The following GSE1 variants were observed in gnomAD, a reference collection of about 807,000 sequenced individuals.
GSE1 encodes genetic suppressor element 1.
GSE1 carries 32 observed loss-of-function variants against 112.6 expected under a neutral mutation model. That is an observed-to-expected ratio of 0.28 (90% CI 0.21 to 0.38). The LOEUF (loss-of-function observed/expected upper bound fraction) is 0.38, where lower values mean the gene tolerates loss of function less well. Among genes scored for constraint, GSE1 ranks in the 10% least tolerant of loss-of-function variants. GSE1 has a pLI of 1.00. For missense variants in GSE1, 2,348 were observed against 1,699.2 expected, an observed-to-expected ratio of 1.38 and a Z score of -6.71; for synonymous variants, 1,115 against 735.6, an observed-to-expected ratio of 1.52 and a Z score of -8.35.
intron 1 of GSE1, among the ~76,000 whole-genome samples, chr16:85,583,836 G>C (rs2046563217): frequency 6.6e-6 from 1 of 152,212 alleles, no homozygotes; most frequent in Non-Finnish European, 1.5e-5. Flanking sequence ...GGGCTGTCTG[G>C]AGCCTGCCTC....
At chr16:85,498,984 G>T (rs1012700748) in intron 2 of GSE1, among the ~76,000 whole-genome samples, 4 of 152,274 alleles carry the variant, frequency 2.6e-5, no homozygotes, top group African/African-American at 9.6e-5. Context: ...ATGCCAGAGT[G>T]GGGAGAAGGG....
At chr16:85,245,658 A>G (rs1237327693) in intron 1 of GSE1, among the ~76,000 whole-genome samples, 1 of 152,178 alleles carries the variant, frequency 6.6e-6, no homozygotes, top group East Asian at 1.9e-4. Flanking sequence ...AGTCCTTACT[A>G]TCTCTTCCAG....
chr16:85,492,105 C>T lies in GSE1; in HGVS notation c.2464+134462C>T, dbSNP rs946526202. Reference sequence around the variant, plus strand: ...GGACACGCCCGCCCCTCCGAGGCAGCGGGTGCCAGACAGGCTTGGCCGGAG... The same window carrying T: ...GGACACGCCCGCCCCTCCGAGGCAGTGGGTGCCAGACAGGCTTGGCCGGAG... On this transcript the variant is annotated intron_variant, in intron 2 of 2. Transcript: ENST00000637419. Among the ~76,000 whole-genome samples the T allele has an allele frequency of 7.9e-5, 12 of 152,304 alleles. No homozygotes were observed. In the South Asian group the frequency reaches 1.2e-3, roughly 16 times the overall value.
chr16:85,556,035 G>A (rs891313504), exon 1 of GSE1: 2 of 984,910 alleles, frequency 2.0e-6, no homozygotes, highest in Non-Finnish European at 2.4e-6. Flanking sequence ...TGGAGGCTCC[G>A]GCCCGTCCTT....
chr16:85,552,907 T>TA, upstream of GSE1, among the ~76,000 whole-genome samples: 1 of 152,400 alleles, frequency 6.6e-6, no homozygotes, highest in African/African-American at 2.4e-5. Flanking sequence ...AATTAATTTT[T>TA]ATGGCTCCTG....
At chr16:85,278,047 C>T (rs752588932) in intron 1 of GSE1, among the ~76,000 whole-genome samples, 2 of 152,254 alleles carry the variant, frequency 1.3e-5, no homozygotes, top group East Asian at 1.9e-4. Flanking sequence ...CCAACCGTAT[C>T]GTCCATTTGA....
chr16:85,413,677 CA>C (rs2048636935), intron 2 of GSE1, among the ~76,000 whole-genome samples: 1 of 152,190 alleles, frequency 6.6e-6, no homozygotes, highest in African/African-American at 2.4e-5. Context: ...AACAGCAATT[CA>C]AAAAGGGGGT....
intron 1 of GSE1, among the ~76,000 whole-genome samples, chr16:85,596,747 A>G (rs1406513228): frequency 6.6e-6 from 1 of 152,172 alleles, no homozygotes; most frequent in African/African-American, 2.4e-5. Context: ...TTCATCATGG[A>G]AAGTTCAGCC....
chr16:85,193,458 G>GT (rs2074866125), intron 1 of GSE1, among the ~76,000 whole-genome samples: 1 of 148,652 alleles, frequency 6.7e-6, no homozygotes, highest in Middle Eastern at 3.5e-3. Flanking sequence ...TCTTTTTTTT[G>GT]TTTTTTGCTT....
intron 2 of GSE1, among the ~76,000 whole-genome samples, chr16:85,427,836 A>T (rs2049028723): frequency 6.6e-6 from 1 of 152,224 alleles, no homozygotes; most frequent in Non-Finnish European, 1.5e-5. Context: ...CGTCTCAAAA[A>T]TAAATAAATA....
intron 2 of GSE1, among the ~76,000 whole-genome samples, chr16:85,502,444 A>T (rs953163704): frequency 6.6e-6 from 1 of 152,108 alleles, no homozygotes. Context: ...CAATGGGGAA[A>T]CTGAGGCTCA....
chr16:85,618,862 C>T (rs1226988958), intron 1 of GSE1, among the ~76,000 whole-genome samples: 5 of 152,236 alleles, frequency 3.3e-5, no homozygotes, highest in Non-Finnish European at 5.9e-5. Flanking sequence ...GGGTCTCTCA[C>T]TGTGTTGCCC....
At chr16:85,612,826 T>C (rs2048081010), upstream of GSE1, among the ~76,000 whole-genome samples, 1 of 152,206 alleles carries the variant, frequency 6.6e-6, no homozygotes, top group Non-Finnish European at 1.5e-5. Context: ...CCGCCCATTA[T>C]TGGGCCTGCT....
rs1049720703 is a variant in GSE1 at position 85,371,025 on chromosome 16, C to T, written c.2464+13382C>T. ...CTGGCTGTGGCCTGCTCCACACCCT[C>T]GCGCTCTCTTCTGGGGAGTTTGCGC... On this transcript the variant is annotated intron_variant, in intron 2 of 2. Coordinates refer to the GSE1 transcript ENST00000637419. 6.6e-5 allele frequency among the ~76,000 whole-genome samples: 10 copies of T among 152,318 alleles called. No individual in the cohort carries two copies. The East Asian group carries it at 9.7e-4, about 15-fold the overall frequency.
chr16:85,376,566 C>T (rs1340885130), intron 2 of GSE1, among the ~76,000 whole-genome samples: 1 of 152,180 alleles, frequency 6.6e-6, no homozygotes, highest in Non-Finnish European at 1.5e-5. Context: ...GGCGTGTGGT[C>T]CTGGCTGGAG....
At chr16:85,262,930 G>A (rs1367831293) in intron 1 of GSE1, among the ~76,000 whole-genome samples, 2 of 152,236 alleles carry the variant, frequency 1.3e-5, no homozygotes, top group Non-Finnish European at 2.9e-5. Flanking sequence ...TAGGCTCAGA[G>A]GATAGAGCAG....
intron 2 of GSE1, among the ~76,000 whole-genome samples, chr16:85,498,455 A>C (rs2051254551): frequency 6.6e-6 from 1 of 152,188 alleles, no homozygotes; most frequent in South Asian, 2.1e-4. Context: ...ATGCATACGG[A>C]TGTGCATATA....
chr16:85,496,418 C>G (rs942979038), intron 2 of GSE1, among the ~76,000 whole-genome samples: 1 of 152,198 alleles, frequency 6.6e-6, no homozygotes, highest in African/African-American at 2.4e-5. Context: ...GCGATAAGCA[C>G]TGAGTGGAAG....
At position 85,535,728 on chromosome 16, in the gene GSE1, A is replaced by G. The variant is rs1598099055; in HGVS notation, c.2465-98186A>G. Among the ~76,000 whole-genome samples, 3 of 152,300 alleles carry G rather than the reference A, an allele frequency of 2.0e-5. 1 individual carries two copies. In the South Asian group the frequency reaches 6.2e-4, roughly 32 times the overall value. On this transcript the variant is annotated intron_variant, in intron 2 of 2. Transcript: ENST00000637419. ...TACCAGCCCCAGGGCCTGAGAGAGC[A>G]ACACAAAATCCCTGGCTAGGCGCCA... is the stretch of plus-strand genomic sequence containing the variant.
Sources: gnomAD v4.1 joint callset for allele counts (sites outside exome capture counted in the v4.1 genomes callset) on GRCh38, gnomAD v4.1.1 for gene constraint, MANE v1.5 for transcripts, NCBI Gene and HGNC (gene_info 2026-07-23, HGNC 2026-07-21) for gene names.